Variants in LSAMP observed in about 807,000 individuals in gnomAD.
LSAMP encodes the protein limbic system associated membrane protein.
Under a neutral mutation model 38.6 loss-of-function variants are expected in LSAMP, and 7 were observed. The ratio of observed to expected loss-of-function variants is 0.18; its 90% CI spans 0.10 to 0.34. The LOEUF is 0.34. LSAMP is among the 10% of genes least tolerant of loss of function. The pLI is 1.00. For missense variants in LSAMP, 313 were observed against 420.0 expected (o/e 0.75, Z 2.23); for synonymous variants, 154 against 166.8 (o/e 0.92, Z 0.59).
At chr3:116,075,049 G>A (rs1342526026) in intron 2 of LSAMP, among the ~76,000 whole-genome samples, 1 of 151,544 alleles carries the variant, frequency 6.6e-6, no homozygotes, top group Admixed American at 6.6e-5. Context: ...TGTTGGTCAA[G>A]CTGGTCTTGA....
At chr3:116,064,694 T>C (rs1199983768) in intron 2 of LSAMP, among the ~76,000 whole-genome samples, 1 of 152,134 alleles carries the variant, frequency 6.6e-6, no homozygotes, top group Non-Finnish European at 1.5e-5. Context: ...TGGTAAAGAC[T>C]TTAGATTACA....
chr3:116,404,225 A>G (rs893692410), intron 1 of LSAMP, among the ~76,000 whole-genome samples: 2 of 152,148 alleles, frequency 1.3e-5, no homozygotes, highest in Non-Finnish European at 2.9e-5. Context: ...TATTGATTGC[A>G]AATTTTAGAT....
At chr3:116,058,207 T>C (rs1941526830) in intron 2 of LSAMP, among the ~76,000 whole-genome samples, 1 of 152,192 alleles carries the variant, frequency 6.6e-6, no homozygotes, top group Non-Finnish European at 1.5e-5. Flanking sequence ...CTCTTTGGTA[T>C]AGGCAAGTCA....
chr3:116,240,217 A>G (rs1234056204), intron 1 of LSAMP, among the ~76,000 whole-genome samples: 1 of 152,228 alleles, frequency 6.6e-6, no homozygotes, highest in East Asian at 1.9e-4. Flanking sequence ...TTGATTTGAC[A>G]AAAATGATAT....
intron 2 of LSAMP, among the ~76,000 whole-genome samples, chr3:116,073,950 A>G (rs1313491905): frequency 1.3e-5 from 2 of 152,214 alleles, no homozygotes; most frequent in Non-Finnish European, 2.9e-5. Flanking sequence ...AAAATCATAT[A>G]AAAAGGGCAT....
intron 1 of LSAMP, among the ~76,000 whole-genome samples, chr3:116,392,756 T>C (rs2048720798): frequency 6.6e-6 from 1 of 152,114 alleles, no homozygotes; most frequent in Non-Finnish European, 1.5e-5. Context: ...CATGGACCAA[T>C]CAGCATACAC....
At chr3:116,047,859 C>T (rs908581863) in intron 2 of LSAMP, among the ~76,000 whole-genome samples, 1 of 152,178 alleles carries the variant, frequency 6.6e-6, no homozygotes, top group Admixed American at 6.5e-5. Flanking sequence ...ATTAAAAATG[C>T]ATCACCTCAC....
chr3:116,284,838 AG>A (rs996275704), intron 1 of LSAMP, among the ~76,000 whole-genome samples: 4 of 152,204 alleles, frequency 2.6e-5, no homozygotes, highest in Non-Finnish European at 5.9e-5. Context: ...AAAATGATCA[AG>A]TCCACAAGTT....
rs553844660 is a variant in LSAMP at position 116,015,770 on chromosome 3, T to A, written c.514+3745A>T. ...CAAACTGGCCTTACCCAATTTTTTT[T>A]AAACTAAATTAAGAGGTAATAAATA... On this transcript the variant is annotated intron_variant, in intron 3 of 6. Transcript: ENST00000490035. 3.3e-4 allele frequency among the ~76,000 whole-genome samples: 50 copies of A among 150,630 alleles called. 1 individual carries two copies. The highest frequency in any genetic ancestry group is 1.1e-3 in the African/African-American group (44 of 40,828).
chr3:116,306,358 G>T (rs1329515766), intron 1 of LSAMP, among the ~76,000 whole-genome samples: 1 of 152,022 alleles, frequency 6.6e-6, no homozygotes, highest in Middle Eastern at 3.2e-3. Context: ...CATTTACTGA[G>T]AGAGCTGGAG....
chr3:116,052,007 C>T (rs1312486384), intron 2 of LSAMP, among the ~76,000 whole-genome samples: 2 of 152,056 alleles, frequency 1.3e-5, no homozygotes, highest in African/African-American at 4.8e-5. Flanking sequence ...TAAGAAAGAA[C>T]ATAGAGAAAG....
In LSAMP at chr3:116,340,017, G is replaced by T. The variant is rs550819506; in HGVS notation, c.155+104860C>A. ...CATGGTTACTTTACAGTTAAAAGCT[G>T]ACGGGTAGAACATACAGCATGACTA... On this transcript the variant is annotated intron_variant, in intron 1 of 6. Coordinates refer to ENST00000490035, the MANE Select transcript of LSAMP (RefSeq NM_002338.5). 2.6e-5 allele frequency among the ~76,000 whole-genome samples: 4 copies of T among 152,146 alleles called. 1 individual carries two copies. In the South Asian group the frequency reaches 8.3e-4, roughly 32 times the overall value.
intron 1 of LSAMP, among the ~76,000 whole-genome samples, chr3:116,180,360 ATTTT>A (rs1284426221): frequency 8.7e-6 from 1 of 114,404 alleles, no homozygotes; most frequent in Non-Finnish European, 1.8e-5. Context: ...GAAGATTTGG[ATTTT>A]TTTATCCCAG....
chr3:116,028,648 G>A (rs1940848228), intron 2 of LSAMP, among the ~76,000 whole-genome samples: 1 of 152,146 alleles, frequency 6.6e-6, no homozygotes, highest in Non-Finnish European at 1.5e-5. Context: ...TAAGAGGTCT[G>A]ACAAATGTAC....
At chr3:116,374,559 A>C (rs913764873) in intron 1 of LSAMP, among the ~76,000 whole-genome samples, 4 of 151,840 alleles carry the variant, frequency 2.6e-5, no homozygotes, top group African/African-American at 9.7e-5. Context: ...GAAATCCAAA[A>C]CCTGGTTAAT....
intron 1 of LSAMP, among the ~76,000 whole-genome samples, chr3:116,104,672 T>G (rs192217013): frequency 2.8e-4 from 43 of 152,306 alleles, no homozygotes; most frequent in Admixed American, 2.1e-3. Context: ...TCTTACAGTA[T>G]CATTCTTTGC....
chr3:116,328,705 T>C (rs529228472), intron 1 of LSAMP, among the ~76,000 whole-genome samples: 1 of 152,226 alleles, frequency 6.6e-6, no homozygotes, highest in Admixed American at 6.5e-5. Context: ...ATCTGTACAC[T>C]GACATACCAA....
At chr3:116,221,762 T>C (rs953568814) in intron 1 of LSAMP, among the ~76,000 whole-genome samples, 3 of 151,866 alleles carry the variant, frequency 2.0e-5, no homozygotes, top group African/African-American at 7.3e-5. Context: ...CCTGGAGAGA[T>C]GCGAAGGAAC....
Position 116,343,027 on chromosome 3 carries a change from G to A in LSAMP, c.155+101850C>T, listed in dbSNP as rs74550552. Among the ~76,000 whole-genome samples, 552 of 152,182 alleles carry A rather than the reference G, an allele frequency of 3.6e-3. 1 individual carries two copies. Among genetic ancestry groups the A allele is most frequent in the East Asian group, 0.027 (138 of 5,172 alleles). The stretch of plus-strand genomic sequence containing the variant: ...GTATTTACAATACTAAGGAGATACA[G>A]TTTAGGAACAAAGTAAGTAATGAAG... On this transcript the variant is annotated intron_variant, in intron 1 of 6. Transcript: ENST00000490035.
Sources: allele counts gnomAD v4.1 joint callset (sites outside exome capture counted in the v4.1 genomes callset), GRCh38; gene constraint gnomAD v4.1.1; transcripts MANE v1.5; gene names NCBI Gene and HGNC (gene_info 2026-07-23, HGNC 2026-07-21).